NRG1: variants seen among roughly 807,000 people sequenced by gnomAD.
NRG1 encodes the protein neuregulin 1.
In NRG1, 18 loss-of-function variants were observed where a neutral mutation model predicts 63.8. The ratio of observed to expected loss-of-function variants is 0.28; its 90% confidence interval spans 0.19 to 0.42. NRG1 has a LOEUF of 0.42. Among genes scored for constraint, NRG1 ranks in the 10% least tolerant of loss-of-function variants. The pLI is 1.00. For synonymous variants in NRG1, 302 were observed against 301.3 expected (o/e 1.00, Z -0.02); for missense variants, 762 against 814.7 (o/e 0.94, Z 0.79).
At chr8:32,420,506 T>C (rs943189946) in intron 1 of NRG1, among the ~76,000 whole-genome samples, 3 of 151,688 alleles carry the variant, frequency 2.0e-5, no homozygotes, top group Non-Finnish European at 4.4e-5. Context: ...CACTTGATGA[T>C]GGGTGACCAC....
chr8:32,221,462 C>A (rs1268424759), intron 1 of NRG1, among the ~76,000 whole-genome samples: 1 of 152,122 alleles, frequency 6.6e-6, no homozygotes, highest in Non-Finnish European at 1.5e-5. Context: ...CTCGCATATT[C>A]AGAATCTTAG....
At chr8:31,734,718 C>G (rs1205820185) in intron 1 of NRG1, among the ~76,000 whole-genome samples, 1 of 152,204 alleles carries the variant, frequency 6.6e-6, no homozygotes, top group Admixed American at 6.5e-5. Context: ...TTTACTCACT[C>G]TCATTTGGAT....
At chr8:32,434,993 C>A (rs1236854322) in intron 1 of NRG1, among the ~76,000 whole-genome samples, 1 of 152,082 alleles carries the variant, frequency 6.6e-6, no homozygotes, top group Non-Finnish European at 1.5e-5. Flanking sequence ...GTCCTGGAAC[C>A]AACATCCCAT....
intron 1 of NRG1, among the ~76,000 whole-genome samples, chr8:32,180,160 A>G (rs1310110759): frequency 1.3e-5 from 2 of 152,070 alleles, no homozygotes; most frequent in Non-Finnish European, 2.9e-5. Context: ...TTGCTTCCAG[A>G]TATTTTTGGA....
intron 1 of NRG1, among the ~76,000 whole-genome samples, chr8:32,057,427 C>T (rs1418534481): frequency 3.3e-5 from 5 of 152,236 alleles, no homozygotes; most frequent in Admixed American, 1.3e-4. Context: ...TGGCCTGGAA[C>T]GATAAACATT....
At chr8:31,983,013 T>C (rs893665229) in intron 1 of NRG1, among the ~76,000 whole-genome samples, 1 of 152,222 alleles carries the variant, frequency 6.6e-6, no homozygotes, top group East Asian at 1.9e-4. Flanking sequence ...ATATAGTGAC[T>C]CATTCAAGGT....
intron 1 of NRG1, among the ~76,000 whole-genome samples, chr8:31,867,243 A>G (rs1175408176): frequency 1.3e-5 from 2 of 152,172 alleles, no homozygotes; most frequent in African/African-American, 2.4e-5. Context: ...CAAAATGGAA[A>G]ATGTGCACAC....
intron 1 of NRG1, among the ~76,000 whole-genome samples, chr8:32,532,120 C>T (rs76950438): frequency 0.014 from 2,083 of 152,174 alleles, 43 homozygotes; most frequent in African/African-American, 0.047. Context: ...CAAGCAGAGC[C>T]TGGATTCAAT....
At chr8:32,352,919 A>G (rs942772390) in intron 1 of NRG1, among the ~76,000 whole-genome samples, 4 of 121,144 alleles carry the variant, frequency 3.3e-5, no homozygotes, top group African/African-American at 1.2e-4. Context: ...ATATATAGAG[A>G]GAGAGAGAGA....
chr8:32,194,546 C>A (rs1456389195), intron 1 of NRG1, among the ~76,000 whole-genome samples: 1 of 152,052 alleles, frequency 6.6e-6, no homozygotes, highest in Non-Finnish European at 1.5e-5. Flanking sequence ...CTTCTTCAGG[C>A]CCTGGCAGGA....
At chr8:32,659,447 C>T (rs1802328189) in intron 5 of NRG1, among the ~76,000 whole-genome samples, 1 of 152,100 alleles carries the variant, frequency 6.6e-6, no homozygotes, top group Non-Finnish European at 1.5e-5. Flanking sequence ...CGTGGCCAGC[C>T]AGCTATAAAT....
At chr8:32,740,744 A>C (rs895222183) in intron 6 of NRG1, among the ~76,000 whole-genome samples, 3 of 152,168 alleles carry the variant, frequency 2.0e-5, no homozygotes, top group African/African-American at 7.2e-5. Flanking sequence ...ACATATACCA[A>C]GTCACTTGGT....
exon 9 of NRG1, chr8:32,756,473 A>G (rs1829713131): frequency 1.2e-6 from 2 of 1,613,616 alleles, no homozygotes; most frequent in Admixed American, 1.7e-5. Flanking sequence ...TATGATGAAC[A>G]TTGCCAATGG....
intron 1 of NRG1, among the ~76,000 whole-genome samples, chr8:31,693,506 A>T (rs1563299606): frequency 6.6e-6 from 1 of 151,640 alleles, no homozygotes; most frequent in African/African-American, 2.4e-5. Flanking sequence ...GTAAAAAAAA[A>T]AAAGAATGCC....
chr8:31,700,422 T>G (rs936488422), intron 1 of NRG1, among the ~76,000 whole-genome samples: 1 of 152,200 alleles, frequency 6.6e-6, no homozygotes, highest in Non-Finnish European at 1.5e-5. Context: ...GGATGGTTTG[T>G]GTGGAGCTGG....
At chr8:32,660,704 C>T (rs748546934) in intron 5 of NRG1, among the ~76,000 whole-genome samples, 21 of 152,106 alleles carry the variant, frequency 1.4e-4, no homozygotes, top group East Asian at 3.9e-4. Context: ...ATCTGTGCCC[C>T]GATTTTCTCA....
chr8:31,877,416 C>T, intron 1 of NRG1, among the ~76,000 whole-genome samples: 1 of 151,516 alleles, frequency 6.6e-6, no homozygotes, highest in East Asian at 1.9e-4. Context: ...TTTTTATGTT[C>T]TGTATATATT....
chr8:31,780,328 C>T (rs945900159), intron 1 of NRG1, among the ~76,000 whole-genome samples: 18 of 152,080 alleles, frequency 1.2e-4, no homozygotes, highest in Non-Finnish European at 2.2e-4. Flanking sequence ...GGCATGAAGC[C>T]ACATTTTGGG....
At chr8:32,666,384 C>A (rs1804157753) in intron 5 of NRG1, among the ~76,000 whole-genome samples, 3 of 152,106 alleles carry the variant, frequency 2.0e-5, no homozygotes, top group Non-Finnish European at 4.4e-5. Context: ...AAGTGAAAAA[C>A]CCTTCTGGAA....
Sources: allele counts gnomAD v4.1 joint callset (sites outside exome capture counted in the v4.1 genomes callset), GRCh38; gene constraint gnomAD v4.1.1; transcripts MANE v1.5; gene names NCBI Gene and HGNC (gene_info 2026-07-23, HGNC 2026-07-21).